Variants in C3 observed in about 807,000 individuals in gnomAD.
C3 encodes complement C3, also known as C3 and PZP-like alpha-2-macroglobulin domain-containing protein 1.
Under a neutral mutation model 207.9 loss-of-function variants are expected in C3, and 97 were observed. The observed-to-expected ratio is 0.47, with a 90% confidence interval of 0.40 to 0.55. C3 has a LOEUF of 0.55. C3 is among the 20% of genes least tolerant of loss of function. C3 has a pLI of 0.00. For synonymous variants in C3, 848 were observed against 857.6 expected (o/e 0.99, Z 0.20); for missense variants, 1,684 against 2,171.7 (o/e 0.78, Z 4.46).
intron 11 of C3, 101 bp downstream of exon 11, chr19:6,712,156 G>A (rs1460973690): frequency 2.1e-6 from 3 of 1,449,394 alleles, no homozygotes; most frequent in Non-Finnish European, 2.9e-6. Context: ...CTATGCAGAT[G>A]AGAATATCTG....
intron 23 of C3, 25 bp downstream of exon 23, chr19:6,696,353 TG>T: frequency 6.5e-7 from 1 of 1,531,456 alleles, no homozygotes; most frequent in Non-Finnish European, 9.0e-7. Flanking sequence ...CTGGGACCCA[TG>T]GGGTCGGGGT....
rs779309415 is a variant in C3 at position 6,680,115 on chromosome 19, C to T, written c.4456+43G>A. On this transcript the variant is annotated intron_variant, in intron 36 of 40. Coordinates refer to ENST00000245907, the MANE Select transcript of C3 (RefSeq NM_000064.4). Reference sequence around the variant, plus strand: ...TTCATATATACCTGGGACTCTCAGGCCCCTGGAACCATCAGACCCCAGGCC... The same window carrying T: ...TTCATATATACCTGGGACTCTCAGGTCCCTGGAACCATCAGACCCCAGGCC... The T allele has an allele frequency of 4.8e-6, 5 of 1,044,936 alleles. No individual in the cohort carries two copies. The South Asian group carries it at 5.0e-5, about 11-fold the overall frequency. 64.7% of individuals were successfully genotyped at this position (1,044,936 alleles called of 1,614,324 possible). A position where few individuals can be genotyped will look rare whatever the true frequency, so the allele number is the denominator to read the frequency against.
chr19:6,679,495 C>T lies in C3; in HGVS notation c.4458G>A (p.Glu1486=). 1 of 1,609,046 alleles carries T rather than the reference C, an allele frequency of 6.2e-7. No homozygotes were observed. The highest frequency in any genetic ancestry group is 8.5e-7 in the Non-Finnish European group (1 of 1,175,374). ...AVKVYAYYNL[E]ESCTRFYHPE... ...GATGGTAGAACCGGGTACAGCTTTC[C>T]TCTGCGGGCAGATGTGATGTGAAGA... is the stretch of plus-strand genomic sequence containing the variant. Residue 1486 remains glutamate (E), a splice_region_variant and synonymous_variant, in exon 37 of 41, where the codon GAG becomes GAA. Transcript: ENST00000245907.
intron 27 of C3, among the ~76,000 whole-genome samples, chr19:6,689,287 A>ACCCCACAGTC (rs747719619): frequency 3.0e-5 from 3 of 101,630 alleles, no homozygotes; most frequent in African/African-American, 1.2e-4. Flanking sequence ...GATTTGTCTG[A>ACCCCACAGTC]CCCCACCTCT....
At chr19:6,710,909 G>A (rs1004254476) in intron 12 of C3, 64 bp from the exon 13 acceptor site, 59 of 1,601,514 alleles carry the variant, frequency 3.7e-5, no homozygotes, top group Non-Finnish European at 4.4e-5. Flanking sequence ...GGAGGGATCC[G>A]GGATGGGGGA....
intron 13 of C3, among the ~76,000 whole-genome samples, chr19:6,710,391 G>A (rs776242810): frequency 1.3e-5 from 2 of 150,516 alleles, no homozygotes; most frequent in Admixed American, 1.3e-4. Context: ...GAGATCGAGA[G>A]AGGGAGAGAG....
Position 6,714,068 on chromosome 19 carries a change from C to T in C3, c.697G>A (p.Glu233Lys), listed in dbSNP as rs373896614. The change falls in exon 7 of 41, where the codon GAG becomes AAG. Residue 233 changes from glutamate (E) to lysine (K), a missense_variant. This residue lies in a region of C3 where 1,280 missense variants were observed against 1,739.1 expected (regional missense o/e 0.74). Transcript: ENST00000245907. Reference sequence around the variant, plus strand: ...TTCTCTGTAGGCTCCACTATGACCTCGAAACTGGGCAGCACTGGGGGAGAG... The same window carrying T: ...TTCTCTGTAGGCTCCACTATGACCTTGAAACTGGGCAGCACTGGGGGAGAG... The part of the protein sequence containing the change: ...EVKEYVLPSF[E>K]VIVEPTEKFY... 2.3e-5 allele frequency: 37 copies of T among 1,612,420 alleles called. No individual in the cohort carries two copies. Among genetic ancestry groups the T allele is most frequent in the Non-Finnish European group, 2.7e-5 (32 of 1,179,594 alleles).
At chr19:6,693,321 G>T in intron 25 of C3, 91 bp downstream of exon 25, 3 of 1,345,912 alleles carry the variant, frequency 2.2e-6, no homozygotes, top group Non-Finnish European at 3.1e-6. Context: ...GGCAAGGCTG[G>T]CCTAAGGGAC....
intron 33 of C3, 42 bp from the exon 34 acceptor site, chr19:6,682,271 G>T: frequency 1.3e-6 from 2 of 1,509,126 alleles, no homozygotes; most frequent in Middle Eastern, 1.7e-4. Context: ...CCAAGGAGGG[G>T]TCAGCCCCAA....
intron 19 of C3, among the ~76,000 whole-genome samples, chr19:6,698,103 G>T (rs566978320): frequency 2.6e-5 from 4 of 151,912 alleles, no homozygotes; most frequent in African/African-American, 4.8e-5. Context: ...CGCAACCTCC[G>T]CCTCCTGGGT....
chr19:6,677,788 G>T lies in C3; in HGVS notation c.*94C>A. 6.7e-7 allele frequency: 1 copy of T among 1,493,018 alleles called. No individual in the cohort carries two copies. The highest frequency in any genetic ancestry group is 1.1e-5 in the South Asian group (1 of 87,370). The allele number at this position is 1,493,018 out of a possible 1,614,324, so 92.5% of individuals were successfully genotyped here. On this transcript the variant is annotated 3_prime_UTR_variant, in exon 41 of 41. Coordinates refer to ENST00000245907, the MANE Select transcript of C3 (RefSeq NM_000064.4). Reference sequence around the variant, plus strand: ...GATGGAGCTGAGCTGCAGGTGAGGCGGCTGGGGATTTCAGCCTCTCCCTCT... The same window carrying T: ...GATGGAGCTGAGCTGCAGGTGAGGCTGCTGGGGATTTCAGCCTCTCCCTCT...
chr19:6,712,738 T>C, intron 9 of C3, 115 bp from the exon 10 acceptor site: 1 of 874,976 alleles, frequency 1.1e-6, no homozygotes, highest in South Asian at 1.3e-5. Flanking sequence ...TAGAGTCCAC[T>C]TTCATACTGG....
intron 40 of C3, 64 bp from the exon 41 acceptor site, chr19:6,678,087 T>C: frequency 1.9e-6 from 3 of 1,613,396 alleles, no homozygotes; most frequent in Non-Finnish European, 2.5e-6. Context: ...GGCGTGACAA[T>C]GGTGTGGGCG....
chr19:6,717,768 G>T (rs1968069835), intron 4 of C3: 3 of 485,988 alleles, frequency 6.2e-6, no homozygotes, highest in East Asian at 7.7e-5. Context: ...TGCACGTTGT[G>T]CTGTGTGTAT....
chr19:6,704,630 G>A (rs1411908757), intron 17 of C3, among the ~76,000 whole-genome samples: 1 of 151,890 alleles, frequency 6.6e-6, no homozygotes, highest in Non-Finnish European at 1.5e-5. Context: ...GTGGTGGCAG[G>A]TGCCTGTAAT....
At chr19:6,680,501 T>A (rs902974148) in intron 35 of C3, among the ~76,000 whole-genome samples, 1 of 152,164 alleles carries the variant, frequency 6.6e-6, no homozygotes, top group Admixed American at 6.5e-5. Flanking sequence ...TCTATGCCCA[T>A]AAAAACAACC....
At chr19:6,679,315 G>T in intron 37 of C3, 92 bp downstream of exon 37, 2 of 1,431,374 alleles carry the variant, frequency 1.4e-6, no homozygotes, top group Non-Finnish European at 2.0e-6. Flanking sequence ...TATCCCCTGG[G>T]TATGGGTCTG....
At position 6,707,969 on chromosome 19, in the gene C3, G is replaced by A. The variant is rs377762643; in HGVS notation, c.1846-40C>T. On this transcript the variant is annotated intron_variant, in intron 14 of 40. Coordinates refer to ENST00000245907, the MANE Select transcript of C3 (RefSeq NM_000064.4). ...GGGGTGGCGGGACGCAGGGAGGCCA[G>A]GCTGACAATTGGGATCCCCCACATA... The A allele has an allele frequency of 1.3e-5, 21 of 1,610,472 alleles. No homozygotes were observed. The African/African-American group carries it at 2.1e-4, about 16-fold the overall frequency.
Position 6,707,865 on chromosome 19 carries a change from C to T in C3, c.1910G>A (p.Gly637Asp). 1.2e-6 allele frequency: 2 copies of T among 1,614,044 alleles called. No individual in the cohort carries two copies. Among genetic ancestry groups the T allele is most frequent in the Non-Finnish European group, 1.7e-6 (2 of 1,180,006 alleles). The change falls in exon 15 of 41, where the codon GGT becomes GAT. Residue 637 changes from glycine to aspartate, a missense_variant. By Grantham distance (94) the Gly-to-Asp change is moderately conservative (BLOSUM62 -1). Transcript: ENST00000245907. The part of the protein sequence containing the change: ...CTPGSGKDYA[G>D]VFSDAGLTFT... The stretch of plus-strand genomic sequence containing the variant: ...GGTCAGCCCTGCGTCGGAGAAGACA[C>T]CGGCGTAATCCTTCCCACTGCCCGG...
Sources: gnomAD v4.1 joint callset for allele counts (sites outside exome capture counted in the v4.1 genomes callset) on GRCh38, gnomAD v4.1.1 for gene constraint, gnomAD v4.1.1 regional missense constraint, MANE v1.5 for transcripts, NCBI Gene and HGNC (gene_info 2026-07-23, HGNC 2026-07-21) for gene names.